Variants in RARB observed in about 807,000 individuals in gnomAD.
The protein encoded by RARB is retinoic acid receptor beta, also known as HBV-activated protein.
In RARB, 17 loss-of-function variants were observed where a neutral mutation model predicts 51.9. The ratio of observed to expected loss-of-function variants is 0.33; its 90% CI spans 0.22 to 0.49. The LOEUF is 0.49. RARB is among the 20% of genes least tolerant of loss of function. The probability of loss-of-function intolerance (pLI) is 0.99; values close to 1 mark genes in which losing one functional copy is unlikely to be tolerated. For missense variants in RARB, 369 were observed against 550.8 expected, an observed-to-expected ratio of 0.67 and a Z score of 3.30; for synonymous variants, 215 against 195.4, an observed-to-expected ratio of 1.10 and a Z score of -0.84.
intron 5 of RARB, among the ~76,000 whole-genome samples, chr3:25,301,475 T>G (rs370784709): frequency 1.8e-4 from 28 of 152,320 alleles, no homozygotes; most frequent in African/African-American, 6.7e-4. Context: ...GTTATAACCA[T>G]AAGGTCCTGT....
intron 3 of RARB, among the ~76,000 whole-genome samples, chr3:25,557,173 A>ACACACACACACAC (rs1287317301): frequency 6.7e-6 from 1 of 148,992 alleles, no homozygotes; most frequent in Admixed American, 6.8e-5. Flanking sequence ...ACACACACAC[A>ACACACACACACAC]ATTGCCATGA....
intron 3 of RARB, among the ~76,000 whole-genome samples, chr3:25,553,307 A>G (rs955192759): frequency 3.2e-4 from 48 of 152,048 alleles, no homozygotes; most frequent in Non-Finnish European, 8.8e-5. Flanking sequence ...GCCCAGGCAT[A>G]CTCTTCACCA....
chr3:25,082,265 T>C (rs1043886073), intron 3 of RARB, among the ~76,000 whole-genome samples: 3 of 152,170 alleles, frequency 2.0e-5, no homozygotes, highest in Non-Finnish European at 4.4e-5. Context: ...GTTATATTTA[T>C]ATAAGTTGGG....
At chr3:25,543,656 G>A (rs1699485120) in intron 3 of RARB, among the ~76,000 whole-genome samples, 3 of 152,174 alleles carry the variant, frequency 2.0e-5, no homozygotes, top group South Asian at 4.1e-4. Context: ...TGAGATGGAC[G>A]ATGGCAATGT....
At chr3:25,498,949 C>T (rs1485531193) in intron 2 of RARB, among the ~76,000 whole-genome samples, 1 of 152,124 alleles carries the variant, frequency 6.6e-6, no homozygotes, top group Non-Finnish European at 1.5e-5. Context: ...GTATTTGTAA[C>T]CTGTTATTTT....
At chr3:25,433,640 G>A (rs1415494127) in intron 1 of RARB, among the ~76,000 whole-genome samples, 1 of 152,140 alleles carries the variant, frequency 6.6e-6, no homozygotes, top group Non-Finnish European at 1.5e-5. Context: ...GTTAACTCAG[G>A]TTTCAGATTT....
At chr3:25,319,343 C>G (rs1017674765) in intron 5 of RARB, among the ~76,000 whole-genome samples, 3 of 152,182 alleles carry the variant, frequency 2.0e-5, no homozygotes, top group African/African-American at 7.2e-5. Flanking sequence ...ATCTTAATAG[C>G]ATCCATTTCA....
chr3:25,062,306 A>G (rs2125304361), intron 3 of RARB, among the ~76,000 whole-genome samples: 1 of 152,024 alleles, frequency 6.6e-6, no homozygotes, highest in Middle Eastern at 3.4e-3. Context: ...TTTATTGACA[A>G]AATGTAGCCT....
chr3:25,464,137 AT>A (rs1470376155), intron 2 of RARB, among the ~76,000 whole-genome samples: 1 of 152,200 alleles, frequency 6.6e-6, no homozygotes, highest in African/African-American at 2.4e-5. Flanking sequence ...TTTCTGAAAA[AT>A]GTTAAGTCAT....
At chr3:25,103,389 C>G (rs954519195) in intron 3 of RARB, among the ~76,000 whole-genome samples, 1 of 152,186 alleles carries the variant, frequency 6.6e-6, no homozygotes, top group African/African-American at 2.4e-5. Context: ...CCCCTTCCTC[C>G]TCTTTCATGG....
intron 4 of RARB, among the ~76,000 whole-genome samples, chr3:25,161,669 T>C (rs1213281872): frequency 6.6e-6 from 1 of 152,232 alleles, no homozygotes; most frequent in Non-Finnish European, 1.5e-5. Flanking sequence ...CCCACTTTTC[T>C]TAGTACATAT....
intron 2 of RARB, among the ~76,000 whole-genome samples, chr3:24,877,496 T>C (rs914706271): frequency 2.0e-5 from 3 of 151,872 alleles, no homozygotes; most frequent in South Asian, 2.1e-4. Context: ...GAAACAGTTA[T>C]GGTGACTTCA....
chr3:25,479,749 G>A (rs1169267398), intron 2 of RARB, among the ~76,000 whole-genome samples: 1 of 152,178 alleles, frequency 6.6e-6, no homozygotes, highest in Non-Finnish European at 1.5e-5. Context: ...GATTATCACT[G>A]ATCACAGAAA....
chr3:24,863,492 G>A (rs534819054), intron 2 of RARB, among the ~76,000 whole-genome samples: 97 of 152,230 alleles, frequency 6.4e-4, no homozygotes, highest in African/African-American at 2.1e-3. Flanking sequence ...TTGCCTGCCA[G>A]TTAAAATGAA....
At chr3:25,543,723 A>G (rs1332093078) in intron 3 of RARB, among the ~76,000 whole-genome samples, 1 of 152,212 alleles carries the variant, frequency 6.6e-6, no homozygotes, top group Non-Finnish European at 1.5e-5. Context: ...AGTGGGGGCT[A>G]GCAGATGGGC....
At chr3:25,556,795 T>C (rs1234674718) in intron 3 of RARB, among the ~76,000 whole-genome samples, 10 of 152,190 alleles carry the variant, frequency 6.6e-5, no homozygotes, top group Non-Finnish European at 1.0e-4. Flanking sequence ...CATGGCAAAC[T>C]GTCCTTACAG....
chr3:24,946,982 C>CT (rs1228969499), intron 2 of RARB, among the ~76,000 whole-genome samples: 2 of 152,154 alleles, frequency 1.3e-5, no homozygotes, highest in African/African-American at 4.8e-5. Flanking sequence ...AAAAGACATG[C>CT]TGAATTTCTC....
At chr3:25,210,529 C>CTTTTTGTTTTTTTTTTTTTTTTTTTTT (rs1701667095) in intron 5 of RARB, among the ~76,000 whole-genome samples, 1 of 27,618 alleles carries the variant, frequency 3.6e-5, no homozygotes, top group Admixed American at 5.8e-4. Context: ...TTATCTGATT[C>CTTTTTGTTTTTTTTTTTTTTTTTTTTT]TTTTTTTTTT....
At chr3:25,314,797 C>T (rs990572184) in intron 5 of RARB, among the ~76,000 whole-genome samples, 16 of 152,104 alleles carry the variant, frequency 1.1e-4, no homozygotes, top group African/African-American at 3.9e-4. Flanking sequence ...TCCTATCACC[C>T]AGGTGGTGAG....
Sources: gnomAD v4.1 joint callset for allele counts (sites outside exome capture counted in the v4.1 genomes callset) on GRCh38, gnomAD v4.1.1 for gene constraint, MANE v1.5 for transcripts, NCBI Gene and HGNC (gene_info 2026-07-23, HGNC 2026-07-21) for gene names.